The following ROBO1 variants were observed in gnomAD, a reference collection of about 807,000 sequenced individuals.
The protein encoded by ROBO1 is roundabout homolog 1.
Under a neutral mutation model 195.9 loss-of-function variants are expected in ROBO1, and 149 were observed. That is an observed-to-expected ratio of 0.76 (90% confidence interval 0.67 to 0.87). The LOEUF is 0.87. Among genes scored for constraint, ROBO1 ranks in the 40% least tolerant of loss-of-function variants. The probability of loss-of-function intolerance (pLI) is 0.00; values close to 1 mark genes in which losing one functional copy is unlikely to be tolerated. For synonymous variants in ROBO1, 816 were observed against 733.2 expected, an observed-to-expected ratio of 1.11 and a Z score of -1.82; for missense variants, 1,933 against 2,068.3, an observed-to-expected ratio of 0.93 and a Z score of 1.27.
intron 3 of ROBO1, among the ~76,000 whole-genome samples, chr3:78,995,511 G>A (rs914185993): frequency 1.3e-5 from 2 of 152,082 alleles, no homozygotes; most frequent in Non-Finnish European, 2.9e-5. Flanking sequence ...TCTATAGCCC[G>A]TCGATCGGGA....
At chr3:79,502,155 C>T (rs1940107940) in intron 2 of ROBO1, among the ~76,000 whole-genome samples, 1 of 152,210 alleles carries the variant, frequency 6.6e-6, no homozygotes, top group Admixed American at 6.5e-5. Flanking sequence ...CCACTCTGGC[C>T]GCGCTTGAGG....
intron 2 of ROBO1, among the ~76,000 whole-genome samples, chr3:79,454,126 C>T (rs2039536504): frequency 7.3e-6 from 1 of 137,896 alleles, no homozygotes; most frequent in African/African-American, 2.5e-5. Flanking sequence ...TAATTAATTT[C>T]ATTCCTTTTT....
intron 28 of ROBO1, among the ~76,000 whole-genome samples, chr3:78,610,740 C>G (rs930819316): frequency 1.3e-5 from 2 of 152,032 alleles, no homozygotes; most frequent in Non-Finnish European, 2.9e-5. Context: ...AGAAGAGAAC[C>G]TGATGATAAT....
intron 21 of ROBO1, among the ~76,000 whole-genome samples, chr3:78,643,171 G>GT (rs1362278481): frequency 2.0e-5 from 3 of 152,176 alleles, no homozygotes; most frequent in Admixed American, 6.6e-5. Context: ...GGACCAGATA[G>GT]TAACATTTTA....
At position 79,269,331 on chromosome 3, in the gene ROBO1, A is replaced by T. The variant is rs138605909; in HGVS notation, c.89-143792T>A. Among the ~76,000 whole-genome samples the T allele has an allele frequency of 2.2e-3, 332 of 151,904 alleles. 1 individual carries two copies. Among genetic ancestry groups the T allele is most frequent in the African/African-American group, 7.6e-3 (317 of 41,542 alleles). ...TTAGCACAGTGACTTTCTCAGAGTA[A>T]GTGTCAAATCTCAATGAACAAATGA... On this transcript the variant is annotated intron_variant, in intron 2 of 30. Coordinates refer to ENST00000464233, the MANE Select transcript of ROBO1 (RefSeq NM_002941.4).
intron 25 of ROBO1, among the ~76,000 whole-genome samples, chr3:78,628,353 A>C (rs544290996): frequency 6.6e-6 from 1 of 152,308 alleles, no homozygotes; most frequent in Non-Finnish European, 1.5e-5. Context: ...AAATTATAGT[A>C]GATCACTATT....
At chr3:79,173,540 T>C (rs1401748026) in intron 2 of ROBO1, among the ~76,000 whole-genome samples, 1 of 152,058 alleles carries the variant, frequency 6.6e-6, no homozygotes, top group Non-Finnish European at 1.5e-5. Flanking sequence ...GGGTTCTCAC[T>C]GGGCCTTATC....
chr3:79,701,606 T>G (rs1040148752), intron 1 of ROBO1, among the ~76,000 whole-genome samples: 1 of 151,736 alleles, frequency 6.6e-6, no homozygotes, highest in Non-Finnish European at 1.5e-5. Flanking sequence ...CTAATTATTA[T>G]TATACAGATG....
At chr3:79,293,527 T>A (rs1352016807) in intron 2 of ROBO1, among the ~76,000 whole-genome samples, 1 of 152,164 alleles carries the variant, frequency 6.6e-6, no homozygotes, top group African/African-American at 2.4e-5. Flanking sequence ...GTGCTATAAT[T>A]TTCCCTCTAA....
At chr3:78,858,381 A>G (rs1004755224) in intron 4 of ROBO1, among the ~76,000 whole-genome samples, 6 of 152,094 alleles carry the variant, frequency 3.9e-5, no homozygotes, top group Non-Finnish European at 7.4e-5. Flanking sequence ...TCACTAGCCC[A>G]AACAATGTCA....
chr3:79,287,997 T>C (rs557685885), intron 2 of ROBO1, among the ~76,000 whole-genome samples: 3 of 152,250 alleles, frequency 2.0e-5, no homozygotes, highest in Admixed American at 6.5e-5. Context: ...AACTGTATTT[T>C]TGTATAAAAA....
intron 4 of ROBO1, among the ~76,000 whole-genome samples, chr3:78,860,321 TATATA>T (rs1202631175): frequency 4.2e-5 from 3 of 72,264 alleles, no homozygotes; most frequent in African/African-American, 6.0e-5. Context: ...TATATATATA[TATATA>T]TTTTTTTTTT....
rs545800091 is a variant in ROBO1 at position 78,817,537 on chromosome 3, G to A, written c.500-70637C>T. On this transcript the variant is annotated intron_variant, in intron 4 of 30. Coordinates refer to ENST00000464233, the MANE Select transcript of ROBO1 (RefSeq NM_002941.4). ...TCTATGTGAATTCACTACATCAAAA[G>A]ATGAGGTAGAAAAAACACAAATGGC... Among the ~76,000 whole-genome samples, 8 of 152,026 alleles carry A rather than the reference G, an allele frequency of 5.3e-5. No individual in the cohort carries two copies. The East Asian group carries it at 1.5e-3, about 29-fold the overall frequency.
intron 2 of ROBO1, among the ~76,000 whole-genome samples, chr3:79,316,546 G>A (rs955547909): frequency 2.0e-5 from 3 of 151,970 alleles, no homozygotes; most frequent in African/African-American, 4.8e-5. Flanking sequence ...TGAGGTGGGG[G>A]GAACTTTTGG....
chr3:78,802,753 TAAC>T (rs754224887), intron 4 of ROBO1, among the ~76,000 whole-genome samples: 7 of 151,494 alleles, frequency 4.6e-5, no homozygotes, highest in Non-Finnish European at 8.9e-5. Flanking sequence ...TCATCATCAA[TAAC>T]ATTATCAACA....
chr3:79,293,428 A>G (rs1258962147), intron 2 of ROBO1, among the ~76,000 whole-genome samples: 1 of 151,804 alleles, frequency 6.6e-6, no homozygotes, highest in African/African-American at 2.4e-5. Flanking sequence ...TAGCTTTTGA[A>G]TTTGTTTGGT....
intron 2 of ROBO1, among the ~76,000 whole-genome samples, chr3:79,178,497 T>C (rs545575304): frequency 6.6e-6 from 1 of 152,264 alleles, no homozygotes; most frequent in Non-Finnish European, 1.5e-5. Flanking sequence ...GTGAAAGATA[T>C]GGCTTTTGAA....
At chr3:79,265,296 A>AT (rs201760995) in intron 2 of ROBO1, among the ~76,000 whole-genome samples, 23,338 of 146,568 alleles carry the variant, frequency 0.16, 1,803 homozygotes, top group Middle Eastern at 0.19. Flanking sequence ...GGAAAAGCAG[A>AT]TTTTTTTTTT....
At position 78,631,254 on chromosome 3, in the gene ROBO1, C is replaced by A; in HGVS notation, c.3533G>T (p.Gly1178Val). ...GARTPKVPKQ[G>V]GMNWADLLPP... The stretch of plus-strand genomic sequence containing the variant: ...AAGCAGGTCTGCCCAGTTCATGCCA[C>A]CCTGTTTTGGTACCTTGGGTGTTCT... Residue 1178 changes from glycine (G) to valine (V), a missense_variant, in exon 25 of 31, where the codon GGT (glycine) becomes GTT (valine). Transcript: ENST00000464233. 3.1e-6 allele frequency: 5 copies of A among 1,613,528 alleles called. No homozygotes were observed. The highest frequency in any genetic ancestry group is 4.2e-6 in the Non-Finnish European group (5 of 1,179,706).
Sources: allele counts gnomAD v4.1 joint callset (sites outside exome capture counted in the v4.1 genomes callset), GRCh38; gene constraint gnomAD v4.1.1; transcripts MANE v1.5; gene names NCBI Gene and HGNC (gene_info 2026-07-23, HGNC 2026-07-21).